FKBP14: variants seen among roughly 807,000 people sequenced by gnomAD.
The protein encoded by FKBP14 is peptidyl-prolyl cis-trans isomerase FKBP14.
In FKBP14, 20 loss-of-function variants were observed where a neutral mutation model predicts 21.6. The observed-to-expected ratio is 0.92, with a 90% CI of 0.65 to 1.34. The LOEUF (loss-of-function observed/expected upper bound fraction) is 1.34, where lower values mean the gene tolerates loss of function less well. Among genes scored for constraint, FKBP14 ranks in the 40% most tolerant of loss-of-function variants. FKBP14 has a pLI of 0.00. For missense variants in FKBP14, 253 were observed against 249.0 expected, an observed-to-expected ratio of 1.02 and a Z score of -0.11; for synonymous variants, 79 against 86.7, an observed-to-expected ratio of 0.91 and a Z score of 0.49.
downstream of FKBP14, among the ~76,000 whole-genome samples, chr7:30,007,609 G>A (rs1789640562): frequency 1.3e-5 from 2 of 152,256 alleles, no homozygotes; most frequent in Middle Eastern, 3.4e-3. Context: ...AATGCACAAT[G>A]CTTTCTGGAA....
chr7:30,007,420 G>C (rs1052104896), downstream of FKBP14, among the ~76,000 whole-genome samples: 9 of 152,016 alleles, frequency 5.9e-5, no homozygotes, highest in African/African-American at 2.2e-4. Flanking sequence ...ATGTTGACCA[G>C]GATGGTCTCG....
chr7:30,015,374 C>T (rs929679183), intron 3 of FKBP14, among the ~76,000 whole-genome samples: 5 of 151,610 alleles, frequency 3.3e-5, no homozygotes, highest in East Asian at 1.9e-4. Context: ...ATCGAGATTG[C>T]GCTGCTGCCC....
rs1491205814 is a variant in FKBP14, at chr7:30,011,611, T to TATATATATATA, written c.*3123_*3124insTATATATATAT. ...TATATAGTATATATATATATATATATTTTTTTTTTTAGATGGGGAGTCACT... is the reference window on the plus strand; with the variant it reads ...TATATAGTATATATATATATATATATATATATATATATTTTTTTTTTAGATGGGGAGTCACT... On this transcript the variant is annotated 3_prime_UTR_variant, in exon 4 of 4. Coordinates refer to ENST00000222803, the MANE Select transcript of FKBP14 (RefSeq NM_017946.4). The TATATATATATA allele has an allele frequency of 4.4e-5, 4 of 91,120 alleles. No homozygotes were observed. The highest frequency in any genetic ancestry group is 1.0e-4 in the Admixed American group (1 of 10,004). The allele number at this position is 91,120 out of a possible 1,614,324, so 5.6% of individuals were successfully genotyped here. A position where few individuals can be genotyped will look rare whatever the true frequency, so the allele number is the denominator to read the frequency against.
At chr7:30,024,632 G>A (rs1334499926) in intron 1 of FKBP14, among the ~76,000 whole-genome samples, 3 of 152,086 alleles carry the variant, frequency 2.0e-5, no homozygotes, top group Non-Finnish European at 4.4e-5. Context: ...TCCTGACCTC[G>A]CGATCTGCCT....
intron 3 of FKBP14, among the ~76,000 whole-genome samples, chr7:30,018,113 A>AT (rs775303881): frequency 4.2e-4 from 64 of 152,208 alleles, no homozygotes; most frequent in Non-Finnish European, 8.2e-4. Flanking sequence ...GGGAATTAAA[A>AT]TTTATCTTGG....
chr7:30,018,692 C>T (rs1789953930), intron 3 of FKBP14, among the ~76,000 whole-genome samples: 1 of 152,138 alleles, frequency 6.6e-6, no homozygotes, highest in Non-Finnish European at 1.5e-5. Context: ...ATTGTTCTTT[C>T]AAAGACCCAA....
rs1227722305 is a variant in FKBP14 at position 30,014,327 on chromosome 7, A to G, written c.*408T>C. On this transcript the variant is annotated 3_prime_UTR_variant, in exon 4 of 4. Transcript: ENST00000222803. ...ACATGAAAATAGCAAGCCTTGGGCT[A>G]TTGCAAAAGGCTTTTCAAATGTTGA... is the stretch of plus-strand genomic sequence containing the variant. 6.5e-6 allele frequency: 1 copy of G among 152,908 alleles called. No homozygotes were observed. Among genetic ancestry groups the G allele is most frequent in the African/African-American group, 2.4e-5 (1 of 41,482 alleles). The allele number at this position is 152,908 out of a possible 1,614,324, so 9.5% of individuals were successfully genotyped here. A position where few individuals can be genotyped will look rare whatever the true frequency, so the allele number is the denominator to read the frequency against.
rs564626031 is a variant in FKBP14, at chr7:30,026,458, CAAA to C, written c.48_50del (p.Leu17del). 377 of 1,614,034 alleles carry C rather than the reference CAAA, an allele frequency of 2.3e-4. 2 individuals carry two copies. The South Asian group carries it at 3.6e-3, about 15-fold the overall frequency. On this transcript the variant is annotated inframe_deletion, in exon 1 of 4. Transcript: ENST00000222803. ...CTGGTTCAGGGATCAAAGCCCCAAT[CAAA>C]GAAGTGACGAACAGAGTCAAGACCG...
chr7:30,023,753 T>C (rs1790097496), intron 1 of FKBP14, among the ~76,000 whole-genome samples: 1 of 152,146 alleles, frequency 6.6e-6, no homozygotes. Flanking sequence ...CAGGCAAGAA[T>C]GAGTGTGCAG....
At chr7:30,015,896 A>AT (rs1036757083) in intron 3 of FKBP14, among the ~76,000 whole-genome samples, 4 of 151,028 alleles carry the variant, frequency 2.6e-5, no homozygotes, top group African/African-American at 9.8e-5. Context: ...AAGTGCTGGG[A>AT]TTACAGGCGT....
chr7:30,006,324 T>A (rs901797850), downstream of FKBP14, among the ~76,000 whole-genome samples: 1 of 151,938 alleles, frequency 6.6e-6, no homozygotes, highest in African/African-American at 2.4e-5. Context: ...ATGGGATCTC[T>A]CTATGTTGCC....
chr7:30,018,922 C>A, intron 3 of FKBP14, 74 bp downstream of exon 3: 1 of 1,519,574 alleles, frequency 6.6e-7, no homozygotes, highest in Non-Finnish European at 8.9e-7. Context: ...AAGTGAGTTA[C>A]AAAAACAAAA....
chr7:30,017,815 C>A (rs1789929962), intron 3 of FKBP14, among the ~76,000 whole-genome samples: 1 of 152,032 alleles, frequency 6.6e-6, no homozygotes. Context: ...GAGTTTGAGA[C>A]CAGCCTGGCC....
chr7:30,011,928 AAT>A lies in FKBP14; in HGVS notation c.*2805_*2806del, dbSNP rs1789750118. ...TATCTTTTCTGTGTTTAGATGTTTG[AAT>A]AAACAGACACTTGCCATTGTGTTAC... On this transcript the variant is annotated 3_prime_UTR_variant, in exon 4 of 4. Transcript: ENST00000222803. 1 of 152,174 alleles carries A rather than the reference AAT, an allele frequency of 6.6e-6. No homozygotes were observed. Among genetic ancestry groups the A allele is most frequent in the Admixed American group, 6.6e-5 (1 of 15,264 alleles). 9.4% of individuals were successfully genotyped at this position (152,174 alleles called of 1,614,324 possible).
chr7:30,022,846 CCTT>C, intron 1 of FKBP14, 30 bp from the exon 2 acceptor site: 1 of 1,581,360 alleles, frequency 6.3e-7, no homozygotes. Flanking sequence ...CATTAGAACT[CCTT>C]ATTAACTCTA....
intron 2 of FKBP14, among the ~76,000 whole-genome samples, chr7:30,021,108 CT>C (rs1790020601): frequency 1.3e-5 from 2 of 152,000 alleles, no homozygotes; most frequent in South Asian, 2.1e-4. Flanking sequence ...ACTACTTAAA[CT>C]TTTTTTTCTT....
rs1562835688 is a variant in FKBP14, at chr7:30,014,533, C to T, written c.*202G>A. On this transcript the variant is annotated 3_prime_UTR_variant, in exon 4 of 4. Transcript: ENST00000222803. ...GTCCAGAAGTCTTCTATTCAAAGACCAATTAGCTTTTTCTTCCCAATAACT... is the reference window on the plus strand; with the variant it reads ...GTCCAGAAGTCTTCTATTCAAAGACTAATTAGCTTTTTCTTCCCAATAACT... 2.9e-6 allele frequency: 1 copy of T among 343,692 alleles called. No individual in the cohort carries two copies. The highest frequency in any genetic ancestry group is 4.4e-5 in the East Asian group (1 of 22,624). 21.3% of individuals were successfully genotyped at this position (343,692 alleles called of 1,614,324 possible). A position where few individuals can be genotyped will look rare whatever the true frequency, so the allele number is the denominator to read the frequency against.
chr7:30,008,135 AC>A (rs1474465321), downstream of FKBP14: 1 of 151,878 alleles, frequency 6.6e-6, no homozygotes, highest in Non-Finnish European at 1.5e-5. Flanking sequence ...CTTTTAATAC[AC>A]CCCATGTGAT....
In FKBP14 at chr7:30,014,885, T is replaced by A. The variant is rs370487182; in HGVS notation, c.486A>T (p.Ala162=). The change falls in exon 4 of 4, where the codon GCA becomes GCT. Residue 162 remains alanine, a synonymous_variant. Transcript: ENST00000222803. ...GTTTTTCAAACTCCTTCTTTAAATA[T>A]GCTTTAACCTACAAAATAACAGATC... ...DWKLSKDEVK[A]YLKKEFEKHG... 1.1e-5 allele frequency: 18 copies of A among 1,580,858 alleles called. No individual in the cohort carries two copies. Among genetic ancestry groups the A allele is most frequent in the Non-Finnish European group, 1.5e-5 (17 of 1,168,558 alleles).
Sources: gnomAD v4.1 joint callset for allele counts (sites outside exome capture counted in the v4.1 genomes callset) on GRCh38, gnomAD v4.1.1 for gene constraint, MANE v1.5 for transcripts, NCBI Gene and HGNC (gene_info 2026-07-23, HGNC 2026-07-21) for gene names.